Variants in REXO1 observed in about 807,000 individuals in gnomAD.
REXO1 encodes REX1, RNA exonuclease 1 homolog.
REXO1 carries 42 observed loss-of-function variants against 102.6 expected under a neutral mutation model. The observed-to-expected ratio is 0.41, with a 90% CI of 0.32 to 0.53. REXO1 has a LOEUF of 0.53. Ranked by LOEUF, REXO1 falls within the 20% of genes least tolerant of loss-of-function variation. The pLI is 0.27. For synonymous variants in REXO1, 908 were observed against 779.1 expected (o/e 1.17, Z -2.76); for missense variants, 1,819 against 1,732.5 (o/e 1.05, Z -0.89).
intron 1 of REXO1, among the ~76,000 whole-genome samples, chr19:1,828,909 C>T (rs868312607): frequency 4.6e-5 from 7 of 152,248 alleles, no homozygotes; most frequent in African/African-American, 1.4e-4. Flanking sequence ...CTCCCTCACA[C>T]GGCTCATGAA....
In REXO1 at chr19:1,827,359, AG is replaced by A. The variant is rs1184731104; in HGVS notation, c.1429del (p.Leu477SerfsTer16). On this transcript the variant is annotated frameshift_variant, in exon 2 of 16. Transcript: ENST00000170168. LOFTEE classifies it high-confidence loss of function. Reference sequence around the variant, plus strand: ...GGTGCTCTTCCTGTCGGGCAGCTGGAGGGGGCGGGGTGGGCCTCTGCCGGCC... The same window carrying A: ...GGTGCTCTTCCTGTCGGGCAGCTGGAGGGGCGGGGTGGGCCTCTGCCGGCC... Reference protein sequence around the residue: ...PAAGRGPPRPLQLPDRKSTKA... With the variant: ...PAAGRGPPRPXQLPDRKSTKA... 3.2e-6 allele frequency: 5 copies of A among 1,545,666 alleles called. No individual in the cohort carries two copies. The highest frequency in any genetic ancestry group is 1.4e-5 in the African/African-American group (1 of 72,834).
rs1219358024 is a variant in REXO1, at chr19:1,816,456, A to G, written c.3431T>C (p.Leu1144Pro). 6.2e-7 allele frequency: 1 copy of G among 1,612,240 alleles called. No homozygotes were observed. Among genetic ancestry groups the G allele is most frequent in the Non-Finnish European group, 8.5e-7 (1 of 1,179,588 alleles). Residue 1144 changes from leucine to proline, a missense_variant, in exon 14 of 16, where the codon CTG (leucine) becomes CCG (proline). Transcript: ENST00000170168. ...SADTILIGHS[L>P]ESDLLALKVI... ...CTTCAGGGCCAGGAGGTCGCTCTCCAGGCTGTGTCCGATGAGGATGGTGTC... is the reference window on the plus strand; with the variant it reads ...CTTCAGGGCCAGGAGGTCGCTCTCCGGGCTGTGTCCGATGAGGATGGTGTC...
rs772966805 is a variant in REXO1 at position 1,828,228 on chromosome 19, CCT to C, written c.559_560del (p.Arg187GlyfsTer48). On this transcript the variant is annotated frameshift_variant, in exon 2 of 16. Coordinates refer to ENST00000170168, the MANE Select transcript of REXO1 (RefSeq NM_020695.4). LOFTEE classifies it high-confidence loss of function. Reference sequence around the variant, plus strand: ...CACCCCCTCCACCTCTGCCCTGACCCCTGTCCAGGGACGCCAGCGAGTACTTG... The same window carrying C: ...CACCCCCTCCACCTCTGCCCTGACCCGTCCAGGGACGCCAGCGAGTACTTG... ...GSKYSLASLDRGQGRGGGGGG... is the reference protein window; with the variant it reads ...GSKYSLASLDXGQGRGGGGGG... The C allele has an allele frequency of 1.2e-6, 2 of 1,607,028 alleles. No individual in the cohort carries two copies. The highest frequency in any genetic ancestry group is 1.7e-6 in the Non-Finnish European group (2 of 1,177,028).
At chr19:1,836,453 C>T (rs2070038959) in intron 1 of REXO1, among the ~76,000 whole-genome samples, 1 of 152,146 alleles carries the variant, frequency 6.6e-6, no homozygotes, top group Non-Finnish European at 1.5e-5. Flanking sequence ...CTCTAAAGAA[C>T]CCGGCAGGCT....
intron 1 of REXO1, among the ~76,000 whole-genome samples, chr19:1,829,952 G>A (rs546340413): frequency 2.0e-5 from 3 of 152,252 alleles, no homozygotes; most frequent in South Asian, 2.1e-4. Flanking sequence ...TAAAGCACAC[G>A]GCTGAAATGT....
intron 3 of REXO1, among the ~76,000 whole-genome samples, 159 bp downstream of exon 3, chr19:1,825,680 T>C (rs2069694027): frequency 6.6e-6 from 1 of 150,834 alleles, no homozygotes; most frequent in African/African-American, 2.4e-5. Context: ...TTTGCCATGC[T>C]GGCCAGGCTG....
intron 1 of REXO1, among the ~76,000 whole-genome samples, chr19:1,836,274 T>C (rs4807149): frequency 0.73 from 110,591 of 152,122 alleles, 40,294 homozygotes; most frequent in Admixed American, 0.75. Context: ...AGCACGAAGA[T>C]CCCAACCTGA....
At position 1,815,730 on chromosome 19, in the gene REXO1, G is replaced by A; in HGVS notation, c.*336C>T. On this transcript the variant is annotated 3_prime_UTR_variant, in exon 16 of 16. Transcript: ENST00000170168. This position sits in a 1 kb window ranked among gnomAD's most constrained non-coding sequence, Gnocchi z 4.0. The stretch of plus-strand genomic sequence containing the variant: ...CCCGCGACCCACGTGAGGAGCAGAG[G>A]TGCCGGCCACCACCCGGGAGGGAGG... 2.9e-6 allele frequency: 4 copies of A among 1,398,262 alleles called. No individual in the cohort carries two copies. Among genetic ancestry groups the A allele is most frequent in the Non-Finnish European group, 3.7e-6 (4 of 1,072,906 alleles). 86.6% of individuals were successfully genotyped at this position (1,398,262 alleles called of 1,614,324 possible).
At chr19:1,837,960 C>T (rs2070089275) in intron 1 of REXO1, among the ~76,000 whole-genome samples, 1 of 152,196 alleles carries the variant, frequency 6.6e-6, no homozygotes, top group East Asian at 1.9e-4. Context: ...GCTTACAGCT[C>T]GAGGCTAGGG....
chr19:1,823,627 G>A lies in REXO1; in HGVS notation c.2175C>T (p.Ser725=), dbSNP rs554481229. ...LAEKSPSVHI[S]APGEKRRIAH... is the part of the protein sequence containing the mutation. The stretch of plus-strand genomic sequence containing the variant: ...CGATCCTCCTCTTCTCGCCAGGGGC[G>A]GAAATGTGGACGGAGGGCGACTTCT... The change falls in exon 4 of 16, where the codon TCC becomes TCT. Residue 725 remains serine (S), a synonymous_variant. Coordinates refer to ENST00000170168, the MANE Select transcript of REXO1 (RefSeq NM_020695.4). The A allele has an allele frequency of 6.7e-5, 88 of 1,317,702 alleles. 1 individual carries two copies. The East Asian group carries it at 1.5e-3, about 22-fold the overall frequency. 81.6% of individuals were successfully genotyped at this position (1,317,702 alleles called of 1,614,324 possible). A position where few individuals can be genotyped will look rare whatever the true frequency, so the allele number is the denominator to read the frequency against.
Position 1,827,084 on chromosome 19 carries a change from G to A in REXO1, c.1705C>T (p.Arg569Trp), listed in dbSNP as rs1028178906. The change falls in exon 2 of 16, where the codon CGG (arginine) becomes TGG (tryptophan). Residue 569 changes from arginine (R) to tryptophan (W), a missense_variant. By Grantham distance (101) the Arg-to-Trp change is moderately radical (BLOSUM62 -3). Coordinates refer to ENST00000170168, the MANE Select transcript of REXO1 (RefSeq NM_020695.4). ...GFPEAQGPPK[R>W]LKASPPPSPA... is the part of the protein sequence containing the mutation. ...GAGGGGGGCGGGGAGGCCTTGAGCC[G>A]CTTGGGCGGCCCCTGCGCCTCCGGG... The A allele has an allele frequency of 1.8e-5, 28 of 1,541,130 alleles. No homozygotes were observed. The highest frequency in any genetic ancestry group is 2.3e-5 in the Non-Finnish European group (26 of 1,145,322).
intron 1 of REXO1, chr19:1,830,777 A>C (rs1048472096): frequency 9.8e-6 from 2 of 204,112 alleles, no homozygotes; most frequent in African/African-American, 4.8e-5. Context: ...TGCAGCTTCA[A>C]CACCACCACC....
At chr19:1,817,837 G>C in intron 10 of REXO1, 57 bp from the exon 11 acceptor site, 3 of 1,445,640 alleles carry the variant, frequency 2.1e-6, no homozygotes, top group Non-Finnish European at 1.9e-6. Context: ...CACAGCCCCC[G>C]GGGCACTGAC....
chr19:1,845,066 G>A (rs1341984333), intron 1 of REXO1, among the ~76,000 whole-genome samples: 1 of 152,186 alleles, frequency 6.6e-6, no homozygotes, highest in Non-Finnish European at 1.5e-5. Context: ...CACAGGGAGT[G>A]CGGGGCAGTG....
At chr19:1,832,274 T>G (rs914177245) in intron 1 of REXO1, among the ~76,000 whole-genome samples, 1 of 152,172 alleles carries the variant, frequency 6.6e-6, no homozygotes, top group African/African-American at 2.4e-5. Context: ...GCCCACAGCT[T>G]GACTTGAGCC....
intron 1 of REXO1, among the ~76,000 whole-genome samples, chr19:1,844,018 C>G (rs1283535970): frequency 6.6e-6 from 1 of 152,252 alleles, no homozygotes; most frequent in Non-Finnish European, 1.5e-5. Flanking sequence ...CCTAACAGAT[C>G]AGTAGGATCC....
intron 7 of REXO1, 23 bp from the exon 8 acceptor site, chr19:1,819,154 A>T (rs1208747632): frequency 1.3e-6 from 2 of 1,535,406 alleles, no homozygotes; most frequent in African/African-American, 1.4e-5. Flanking sequence ...GAGGGAGGGG[A>T]GGAGGGTGTG....
In REXO1 at chr19:1,823,021, C is replaced by G. The variant is rs35654074; in HGVS notation, c.2230+551G>C. 454 of 152,900 alleles carry G rather than the reference C, an allele frequency of 3.0e-3. 4 individuals are homozygous for G. Among genetic ancestry groups the G allele is most frequent in the Non-Finnish European group, 3.2e-3 (219 of 68,492 alleles). The allele number at this position is 152,900 out of a possible 1,614,324, so 9.5% of individuals were successfully genotyped here. ...ATACTTTCTCGCTCTACAGACACCACTGATGTGAAGACGCAGGAGACAGGA... is the reference window on the plus strand; with the variant it reads ...ATACTTTCTCGCTCTACAGACACCAGTGATGTGAAGACGCAGGAGACAGGA... On this transcript the variant is annotated intron_variant, in intron 4 of 15. Coordinates refer to ENST00000170168, the MANE Select transcript of REXO1 (RefSeq NM_020695.4).
chr19:1,842,682 G>T (rs893845821), intron 1 of REXO1, among the ~76,000 whole-genome samples: 3 of 152,228 alleles, frequency 2.0e-5, no homozygotes, highest in Non-Finnish European at 4.4e-5. Flanking sequence ...GTGAGGCAGG[G>T]TCCCAGCCAT....
Sources: gnomAD v4.1 joint callset for allele counts (sites outside exome capture counted in the v4.1 genomes callset) on GRCh38, gnomAD v4.1.1 for gene constraint, Gnocchi (gnomAD v3.1) non-coding constraint, MANE v1.5 for transcripts, NCBI Gene and HGNC (gene_info 2026-07-23, HGNC 2026-07-21) for gene names.